TAFA2: variants seen among roughly 807,000 people sequenced by gnomAD.
The protein encoded by TAFA2 is chemokine-like protein TAFA-2.
Under a neutral mutation model 18.8 loss-of-function variants are expected in TAFA2, and 7 were observed. That is an observed-to-expected ratio of 0.37 (90% CI 0.21 to 0.70). The LOEUF is 0.70. Among genes scored for constraint, TAFA2 ranks in the 30% least tolerant of loss-of-function variants. The probability of loss-of-function intolerance (pLI) is 0.53; values close to 1 mark genes in which losing one functional copy is unlikely to be tolerated. For synonymous variants in TAFA2, 60 were observed against 54.2 expected (o/e 1.11, Z -0.47); for missense variants, 122 against 158.1 (o/e 0.77, Z 1.23).
At chr12:61,879,425 C>T (rs1015801284) in intron 1 of TAFA2, 5 of 698,512 alleles carry the variant, frequency 7.2e-6, no homozygotes, top group Admixed American at 2.1e-5. Flanking sequence ...ATCAGCTCCT[C>T]AAGCTTCTCC....
chr12:61,789,164 A>G (rs1165265162), intron 2 of TAFA2, among the ~76,000 whole-genome samples: 8 of 151,762 alleles, frequency 5.3e-5, no homozygotes, highest in African/African-American at 1.7e-4. Flanking sequence ...CCATTTGTCA[A>G]TTTTGACTTT....
chr12:61,988,741 G>A (rs978264076), intron 1 of TAFA2, among the ~76,000 whole-genome samples: 18 of 152,158 alleles, frequency 1.2e-4, no homozygotes, highest in Non-Finnish European at 2.5e-4. Context: ...TGTGTCTCTT[G>A]TACTCTCCAG....
chr12:61,942,120 T>A (rs1179811091), intron 1 of TAFA2, among the ~76,000 whole-genome samples: 12 of 150,788 alleles, frequency 8.0e-5, no homozygotes. Flanking sequence ...ACGGGCAGAC[T>A]GCCTCCTCAA....
chr12:61,755,954 T>C (rs1412519906), intron 2 of TAFA2, among the ~76,000 whole-genome samples: 3 of 152,080 alleles, frequency 2.0e-5, no homozygotes, highest in African/African-American at 7.2e-5. Context: ...AGATTATGCT[T>C]TCAGTAATTT....
intron 1 of TAFA2, among the ~76,000 whole-genome samples, chr12:62,160,683 T>C (rs2062400658): frequency 6.6e-6 from 1 of 152,170 alleles, no homozygotes. Flanking sequence ...TTGGGGGCCA[T>C]TATCTATGTA....
In TAFA2 at chr12:62,021,840, A is replaced by T. The variant is rs1419010294; in HGVS notation, c.-1-154414T>A. The T allele has an allele frequency of 3.7e-6, 3 of 803,718 alleles. No individual in the cohort carries two copies. In the Admixed American group the frequency reaches 5.1e-5, roughly 14 times the overall value. The allele number at this position is 803,718 out of a possible 1,614,324, so 49.8% of individuals were successfully genotyped here. On this transcript the variant is annotated intron_variant, in intron 1 of 4. Coordinates refer to ENST00000416284, the MANE Select transcript of TAFA2 (RefSeq NM_178539.5). ...TCCGCTGTGGATCATCAGGCCATCC[A>T]CAAAACTTCATGGATTTAGTCCTCC...
At chr12:61,772,245 A>G (rs972257527) in intron 2 of TAFA2, among the ~76,000 whole-genome samples, 1 of 151,934 alleles carries the variant, frequency 6.6e-6, no homozygotes, top group African/African-American at 2.4e-5. Context: ...AAAAATTGCC[A>G]AGAAAAAACA....
At chr12:61,944,238 G>C (rs1334868082) in intron 1 of TAFA2, among the ~76,000 whole-genome samples, 2 of 150,020 alleles carry the variant, frequency 1.3e-5, no homozygotes, top group African/African-American at 2.5e-5. Context: ...CAGAAATAAA[G>C]ATGTTCTTTG....
chr12:62,021,458 A>C lies in TAFA2; in HGVS notation c.-1-154032T>G, dbSNP rs1011698050. On this transcript the variant is annotated intron_variant, in intron 1 of 4. Transcript: ENST00000416284. Reference sequence around the variant, plus strand: ...CCCACCCTTTCCCCCAAGACCCCAAAGTCCACTGCATCATTCTTTTTTTTT... The same window carrying C: ...CCCACCCTTTCCCCCAAGACCCCAACGTCCACTGCATCATTCTTTTTTTTT... 1.0e-5 allele frequency: 5 copies of C among 487,048 alleles called. No homozygotes were observed. The African/African-American group carries it at 1.1e-4, about 10-fold the overall frequency. The allele number at this position is 487,048 out of a possible 1,614,324, so 30.2% of individuals were successfully genotyped here. A position where few individuals can be genotyped will look rare whatever the true frequency, so the allele number is the denominator to read the frequency against.
intron 4 of TAFA2, among the ~76,000 whole-genome samples, chr12:61,724,116 A>G (rs746570103): frequency 2.8e-4 from 42 of 152,084 alleles, no homozygotes; most frequent in Non-Finnish European, 4.3e-4. Flanking sequence ...TACTGTATAT[A>G]TTACAGTTCA....
At chr12:62,251,175 G>A (rs577416058) in intron 1 of TAFA2, among the ~76,000 whole-genome samples, 1 of 152,266 alleles carries the variant, frequency 6.6e-6, no homozygotes, top group African/African-American at 2.4e-5. Flanking sequence ...TAGGAGGCTG[G>A]AATAATGACA....
intron 1 of TAFA2, among the ~76,000 whole-genome samples, chr12:62,007,859 C>G (rs1244465454): frequency 6.6e-6 from 1 of 152,280 alleles, no homozygotes; most frequent in Non-Finnish European, 1.5e-5. Flanking sequence ...ATTCTCTCTT[C>G]TAGTTATTTT....
At chr12:62,017,591 T>TGGGGG (rs1880980986) in intron 1 of TAFA2, among the ~76,000 whole-genome samples, 2 of 152,146 alleles carry the variant, frequency 1.3e-5, no homozygotes, top group Non-Finnish European at 2.9e-5. Flanking sequence ...TGAAATATTT[T>TGGGGG]TATTCTGGAG....
Position 62,104,333 on chromosome 12 carries a change from C to T in TAFA2, c.-2+86926G>A, listed in dbSNP as rs146574265. 2.0e-3 allele frequency among the ~76,000 whole-genome samples: 298 copies of T among 151,424 alleles called. 1 individual carries two copies. Among genetic ancestry groups the T allele is most frequent in the African/African-American group, 6.6e-3 (272 of 41,328 alleles). On this transcript the variant is annotated intron_variant, in intron 1 of 4. Coordinates refer to ENST00000416284, the MANE Select transcript of TAFA2 (RefSeq NM_178539.5). Reference sequence around the variant, plus strand: ...TTCTTTTTACATAATATTGATTAACCCTCAGCGATTTTAGACACCAGGGTT... The same window carrying T: ...TTCTTTTTACATAATATTGATTAACTCTCAGCGATTTTAGACACCAGGGTT...
intron 1 of TAFA2, among the ~76,000 whole-genome samples, chr12:61,928,802 T>G (rs1159683538): frequency 1.3e-5 from 2 of 152,118 alleles, no homozygotes; most frequent in Non-Finnish European, 2.9e-5. Flanking sequence ...AATGAAAATG[T>G]GACACATATA....
At chr12:61,798,016 C>A (rs1019487388) in intron 2 of TAFA2, among the ~76,000 whole-genome samples, 3 of 152,092 alleles carry the variant, frequency 2.0e-5, no homozygotes, top group Non-Finnish European at 4.4e-5. Context: ...TAGAATAGGG[C>A]ATTAACCAAA....
intron 1 of TAFA2, among the ~76,000 whole-genome samples, chr12:61,982,157 G>A: frequency 6.6e-6 from 1 of 152,092 alleles, no homozygotes; most frequent in South Asian, 2.1e-4. Flanking sequence ...GGATGAAGCT[G>A]GAAACCATCA....
At chr12:62,091,332 T>C (rs1202637794) in intron 1 of TAFA2, among the ~76,000 whole-genome samples, 1 of 152,048 alleles carries the variant, frequency 6.6e-6, no homozygotes, top group African/African-American at 2.4e-5. Flanking sequence ...GCTTGGCACA[T>C]GCTTTGTATG....
intron 1 of TAFA2, among the ~76,000 whole-genome samples, chr12:62,014,869 G>T (rs548024106): frequency 1.2e-4 from 18 of 152,106 alleles, no homozygotes; most frequent in Admixed American, 1.2e-3. Context: ...ACAATGCTAT[G>T]CCCAGTACCT....
Sources: gnomAD v4.1 joint callset for allele counts (sites outside exome capture counted in the v4.1 genomes callset) on GRCh38, gnomAD v4.1.1 for gene constraint, MANE v1.5 for transcripts, NCBI Gene and HGNC (gene_info 2026-07-23, HGNC 2026-07-21) for gene names.